The following TAS2R1 variants were observed in gnomAD, a reference collection of about 807,000 sequenced individuals.
TAS2R1 encodes the protein taste receptor type 2 member 1.
For missense variants in TAS2R1, 370 were observed against 353.4 expected (o/e 1.05, Z -0.38); for synonymous variants, 141 against 134.2 (o/e 1.05, Z -0.35).
the TAS2R1 span, among the ~76,000 whole-genome samples, chr5:9,835,894 T>C: frequency 1.3e-5 from 2 of 152,204 alleles, no homozygotes; most frequent in African/African-American, 2.4e-5. Context: ...TATAAATGTT[T>C]GTTAAAACTG....
the TAS2R1 span, among the ~76,000 whole-genome samples, chr5:9,882,592 C>T: frequency 1.2e-4 from 18 of 152,290 alleles, no homozygotes; most frequent in East Asian, 3.3e-3. Context: ...TGCCACTGCA[C>T]TCCAGCCTAG....
chr5:9,850,120 C>T, the TAS2R1 span, among the ~76,000 whole-genome samples: 19 of 152,258 alleles, frequency 1.2e-4, no homozygotes, highest in Middle Eastern at 3.4e-3. Flanking sequence ...ACCCTCAAAG[C>T]GCAGCCCAAA....
chr5:9,692,989 T>G (rs1041033557), intron 1 of TAS2R1, among the ~76,000 whole-genome samples: 2 of 152,004 alleles, frequency 1.3e-5, no homozygotes, highest in Non-Finnish European at 2.9e-5. Context: ...CTCCTGCTCC[T>G]CTCCTCTCCC....
At chr5:9,767,950 T>C in the TAS2R1 span, among the ~76,000 whole-genome samples, 2 of 144,242 alleles carry the variant, frequency 1.4e-5, no homozygotes, top group African/African-American at 2.6e-5. Context: ...AAAGCCAGAT[T>C]ACATCACTCC....
rs758873751 is a variant in TAS2R1 at position 9,692,655 on chromosome 5, A to T, written c.-242+19517T>A. ...CTGTGAATGATGTTCATCCTAATAT[A>T]GGGCATTGTCTTCATGACATAATGA... is the stretch of plus-strand genomic sequence containing the variant. On this transcript the variant is annotated intron_variant, in intron 1 of 2. Coordinates refer to the TAS2R1 transcript ENST00000506620. 5.9e-5 allele frequency among the ~76,000 whole-genome samples: 9 copies of T among 152,308 alleles called. No homozygotes were observed. In the South Asian group the frequency reaches 1.9e-3, roughly 32 times the overall value.
chr5:9,648,071 T>C (rs59774698), intron 2 of TAS2R1, among the ~76,000 whole-genome samples: 2,529 of 152,238 alleles, frequency 0.017, 86 homozygotes, highest in African/African-American at 0.057. Flanking sequence ...AAAGCAACTA[T>C]TGTCAGCTAT....
At chr5:9,746,035 A>C in the TAS2R1 span, among the ~76,000 whole-genome samples, 3 of 152,240 alleles carry the variant, frequency 2.0e-5, no homozygotes, top group Non-Finnish European at 2.9e-5. Context: ...AAGGGCTACT[A>C]TCCAGAATCT....
the TAS2R1 span, among the ~76,000 whole-genome samples, chr5:9,789,487 G>A: frequency 6.6e-6 from 1 of 152,184 alleles, no homozygotes; most frequent in African/African-American, 2.4e-5. Flanking sequence ...GAACTTCAAC[G>A]TGGAGCCAAT....
the TAS2R1 span, among the ~76,000 whole-genome samples, chr5:9,765,047 G>A: frequency 1.3e-5 from 2 of 152,100 alleles, no homozygotes; most frequent in African/African-American, 4.8e-5. Flanking sequence ...ACCCAGTTAC[G>A]TTAAAATCAC....
Position 9,630,040 on chromosome 5 carries a change from AT to A in TAS2R1, c.-9del. ...GAGGTGAGACTCTAGCATTTTAGGA[AT>A]AAAAAATTATTTACTTAAAAAATAA... On this transcript the variant is annotated 5_prime_UTR_variant, in exon 1 of 1. Coordinates refer to ENST00000382492, the MANE Select transcript of TAS2R1 (RefSeq NM_019599.3). 6.5e-7 allele frequency: 1 copy of A among 1,539,382 alleles called. No individual in the cohort carries two copies.
chr5:9,735,783 A>G, the TAS2R1 span, among the ~76,000 whole-genome samples: 1 of 152,252 alleles, frequency 6.6e-6, no homozygotes, highest in Admixed American at 6.5e-5. Context: ...TAAAGAATGC[A>G]AAGTTTTATT....
At chr5:9,631,968 G>A (rs947632344), upstream of TAS2R1, among the ~76,000 whole-genome samples, 2 of 152,184 alleles carry the variant, frequency 1.3e-5, no homozygotes, top group African/African-American at 4.8e-5. Context: ...CCAAATGCAA[G>A]CATGCCAGGA....
chr5:9,886,926 G>T, the TAS2R1 span, among the ~76,000 whole-genome samples: 1 of 152,026 alleles, frequency 6.6e-6, no homozygotes, highest in Non-Finnish European at 1.5e-5. Flanking sequence ...ATCACCAAAG[G>T]TAATGGCGAT....
chr5:9,813,844 T>A, the TAS2R1 span, among the ~76,000 whole-genome samples: 155 of 152,328 alleles, frequency 1.0e-3, no homozygotes, highest in Middle Eastern at 3.4e-3. Context: ...CCCTCCAGAT[T>A]GGCTGGTCTC....
At chr5:9,692,634 G>A (rs1043863081) in intron 1 of TAS2R1, among the ~76,000 whole-genome samples, 1 of 152,206 alleles carries the variant, frequency 6.6e-6, no homozygotes, top group Non-Finnish European at 1.5e-5. Context: ...GAACTACTGT[G>A]AATGATGTTC....
chr5:9,822,223 A>G, the TAS2R1 span, among the ~76,000 whole-genome samples: 1 of 152,198 alleles, frequency 6.6e-6, no homozygotes, highest in Non-Finnish European at 1.5e-5. Context: ...ACTGATTATC[A>G]GATGTCACTG....
chr5:9,824,672 C>T, the TAS2R1 span, among the ~76,000 whole-genome samples: 2 of 151,904 alleles, frequency 1.3e-5, no homozygotes, highest in Non-Finnish European at 2.9e-5. Context: ...CATAGTGAAA[C>T]CCCGTCTCTA....
chr5:9,869,743 T>C, the TAS2R1 span, among the ~76,000 whole-genome samples: 1 of 152,366 alleles, frequency 6.6e-6, no homozygotes, highest in Non-Finnish European at 1.5e-5. Flanking sequence ...GGTTTCCCCA[T>C]GACTTTGCCC....
intron 1 of TAS2R1, among the ~76,000 whole-genome samples, chr5:9,706,522 G>C (rs1430572035): frequency 2.0e-5 from 3 of 152,224 alleles, no homozygotes; most frequent in African/African-American, 7.2e-5. Flanking sequence ...GACCAGGCTA[G>C]TGAGAGTTAG....
Sources: allele counts gnomAD v4.1 joint callset (sites outside exome capture counted in the v4.1 genomes callset), GRCh38; gene constraint gnomAD v4.1.1; transcripts MANE v1.5; gene names NCBI Gene and HGNC (gene_info 2026-07-23, HGNC 2026-07-21).